The following XKR6 variants were observed in gnomAD, a reference collection of about 807,000 sequenced individuals.
XKR6 encodes XK related 6.
A neutral mutation model predicts 56.7 loss-of-function variants in XKR6; 22 were observed. The observed-to-expected ratio is 0.39, with a 90% CI of 0.28 to 0.55. The LOEUF is 0.55. Ranked by LOEUF, XKR6 falls within the 20% of genes least tolerant of loss-of-function variation. XKR6 has a pLI of 0.66. For synonymous variants in XKR6, 524 were observed against 387.8 expected, an observed-to-expected ratio of 1.35 and a Z score of -4.13; for missense variants, 852 against 889.0, an observed-to-expected ratio of 0.96 and a Z score of 0.53.
intron 1 of XKR6, among the ~76,000 whole-genome samples, chr8:10,950,875 C>A (rs2129126902): frequency 6.6e-6 from 1 of 152,304 alleles, no homozygotes; most frequent in Non-Finnish European, 1.5e-5. Flanking sequence ...CACAATTGCC[C>A]ATTGCACAGG....
intron 1 of XKR6, among the ~76,000 whole-genome samples, chr8:10,930,469 T>C (rs558860262): frequency 3.9e-5 from 6 of 152,340 alleles, no homozygotes; most frequent in Admixed American, 6.5e-5. Flanking sequence ...ATTACTCTGA[T>C]ACAAAAGCCA....
intron 2 of XKR6, among the ~76,000 whole-genome samples, chr8:10,911,171 G>A (rs1489785466): frequency 6.6e-6 from 1 of 150,770 alleles, no homozygotes; most frequent in African/African-American, 2.4e-5. Flanking sequence ...TGGATTTTGA[G>A]TATATATACA....
intron 1 of XKR6, among the ~76,000 whole-genome samples, chr8:10,993,830 G>A (rs555300090): frequency 6.6e-6 from 1 of 152,294 alleles, no homozygotes; most frequent in African/African-American, 2.4e-5. Context: ...AGAGGGGCTG[G>A]GGTTCCCTAC....
chr8:10,959,564 G>A (rs1009775456), intron 1 of XKR6, among the ~76,000 whole-genome samples: 4 of 152,136 alleles, frequency 2.6e-5, no homozygotes, highest in African/African-American at 7.2e-5. Context: ...GTCCTCACGT[G>A]GTGGAGAGAG....
At chr8:11,149,593 A>C (rs1298703669) in intron 1 of XKR6, among the ~76,000 whole-genome samples, 1 of 152,190 alleles carries the variant, frequency 6.6e-6, no homozygotes, top group East Asian at 1.9e-4. Flanking sequence ...AAATATTTCA[A>C]GAATGCCTAT....
chr8:11,088,427 G>A (rs1028705192), intron 1 of XKR6, among the ~76,000 whole-genome samples: 2 of 152,218 alleles, frequency 1.3e-5, no homozygotes, highest in Admixed American at 6.5e-5. Flanking sequence ...GCTTTGTCAC[G>A]TTACTCATTT....
intron 1 of XKR6, among the ~76,000 whole-genome samples, chr8:11,148,154 G>A (rs917554748): frequency 6.6e-6 from 1 of 152,126 alleles, no homozygotes; most frequent in African/African-American, 2.4e-5. Context: ...AGGCTGCAGA[G>A]AGCCAAGATC....
chr8:11,164,948 T>C (rs765195819), intron 1 of XKR6, among the ~76,000 whole-genome samples: 7 of 152,048 alleles, frequency 4.6e-5, no homozygotes, highest in Non-Finnish European at 7.4e-5. Flanking sequence ...ACCTTACTAA[T>C]AGGAGGTTTA....
rs970957807 is a variant in XKR6 at position 10,896,191 on chromosome 8, C to T, written c.*1761G>A. 4.0e-5 allele frequency: 6 copies of T among 150,254 alleles called. No homozygotes were observed. Among genetic ancestry groups the T allele is most frequent in the Non-Finnish European group, 8.9e-5 (6 of 67,698 alleles). 9.3% of individuals were successfully genotyped at this position (150,254 alleles called of 1,614,324 possible). The stretch of plus-strand genomic sequence containing the variant: ...GATACGATGCGATTGAAACGATGCC[C>T]TAGAACAGAAATATTCTTTAAAGGA... On this transcript the variant is annotated 3_prime_UTR_variant, in exon 3 of 3. Coordinates refer to ENST00000416569, the MANE Select transcript of XKR6 (RefSeq NM_173683.4).
intron 1 of XKR6, among the ~76,000 whole-genome samples, chr8:11,116,715 T>A (rs543282761): frequency 1.4e-4 from 22 of 152,170 alleles, no homozygotes; most frequent in Admixed American, 1.3e-3. Context: ...AGCTGAGAGG[T>A]TTCATTCGCC....
chr8:11,195,286 T>G, intron 1 of XKR6: 1 of 641,178 alleles, frequency 1.6e-6, no homozygotes, highest in Non-Finnish European at 2.8e-6. Flanking sequence ...GTTTACACCT[T>G]TCATTCTTTT....
intron 1 of XKR6, among the ~76,000 whole-genome samples, chr8:11,096,047 G>A (rs1049942008): frequency 2.6e-5 from 4 of 152,194 alleles, no homozygotes; most frequent in Non-Finnish European, 5.9e-5. Flanking sequence ...TGTCAAAAAT[G>A]CTATCAACAA....
intron 1 of XKR6, among the ~76,000 whole-genome samples, chr8:10,985,844 G>A (rs1209190148): frequency 6.6e-6 from 1 of 152,156 alleles, no homozygotes; most frequent in East Asian, 1.9e-4. Context: ...GAGCTCAAGC[G>A]ATCCACCTGC....
chr8:11,178,974 C>G (rs1052207061), intron 1 of XKR6, among the ~76,000 whole-genome samples: 3 of 151,058 alleles, frequency 2.0e-5, no homozygotes, highest in Admixed American at 1.3e-4. Flanking sequence ...TCCCAAGTAG[C>G]TAGAACTACA....
intron 1 of XKR6, among the ~76,000 whole-genome samples, chr8:10,979,424 C>G (rs754311280): frequency 2.0e-5 from 3 of 152,040 alleles, no homozygotes; most frequent in Non-Finnish European, 2.9e-5. Flanking sequence ...CCTGGGGGAC[C>G]TGCCGAGAAC....
intron 1 of XKR6, among the ~76,000 whole-genome samples, chr8:10,940,033 C>G (rs1477284990): frequency 6.6e-6 from 1 of 152,156 alleles, no homozygotes; most frequent in Non-Finnish European, 1.5e-5. Flanking sequence ...AATCCTGCGT[C>G]GACGTGTAAT....
chr8:11,104,601 T>C (rs1040839751), intron 1 of XKR6: 1 of 152,218 alleles, frequency 6.6e-6, no homozygotes, highest in African/African-American at 2.4e-5. Context: ...AAGTAGTTAA[T>C]CACACAAAAC....
At chr8:10,939,338 G>C (rs1294334722) in intron 1 of XKR6, among the ~76,000 whole-genome samples, 1 of 152,170 alleles carries the variant, frequency 6.6e-6, no homozygotes, top group Non-Finnish European at 1.5e-5. Context: ...TGGCCCCAAG[G>C]ACCAGTGACT....
At chr8:11,057,083 C>T (rs984858122) in intron 1 of XKR6, among the ~76,000 whole-genome samples, 6 of 152,226 alleles carry the variant, frequency 3.9e-5, no homozygotes, top group Admixed American at 1.3e-4. Context: ...CATCCTTACT[C>T]AAAAGCCGTT....
Sources: gnomAD v4.1 joint callset for allele counts (sites outside exome capture counted in the v4.1 genomes callset) on GRCh38, gnomAD v4.1.1 for gene constraint, MANE v1.5 for transcripts, NCBI Gene and HGNC (gene_info 2026-07-23, HGNC 2026-07-21) for gene names.